The following MARK1 variants were observed in gnomAD, a reference collection of about 807,000 sequenced individuals.
MARK1 encodes the protein serine/threonine-protein kinase MARK1.
A neutral mutation model predicts 96.3 loss-of-function variants in MARK1; 40 were observed. The ratio of observed to expected loss-of-function variants is 0.42; its 90% CI spans 0.32 to 0.54. MARK1 has a LOEUF of 0.54. MARK1 is among the 20% of genes least tolerant of loss of function. MARK1 has a pLI of 0.16. For synonymous variants in MARK1, 317 were observed against 341.2 expected (o/e 0.93, Z 0.78); for missense variants, 719 against 984.6 (o/e 0.73, Z 3.61).
chr1:220,577,506 T>C (rs1398818306), intron 1 of MARK1, among the ~76,000 whole-genome samples: 3 of 152,236 alleles, frequency 2.0e-5, no homozygotes, highest in Admixed American at 6.5e-5. Context: ...AGTTCTCAAA[T>C]GTTGGCATGC....
Position 220,654,693 on chromosome 1 carries a change from A to C in MARK1, c.1988+1341A>C, listed in dbSNP as rs1669073265. On this transcript the variant is annotated intron_variant, in intron 16 of 17. Coordinates refer to ENST00000366917, the MANE Select transcript of MARK1 (RefSeq NM_018650.5). The surrounding 1 kb of genome is among the most constrained non-coding windows in gnomAD (Gnocchi z 4.0). Reference sequence around the variant, plus strand: ...TTCTGCTTTTGGAATTTGTCTATTTAAGGCCATTTCAAAAAGCCAGTACTT... The same window carrying C: ...TTCTGCTTTTGGAATTTGTCTATTTCAGGCCATTTCAAAAAGCCAGTACTT... Among the ~76,000 whole-genome samples, 1 of 152,208 alleles carries C rather than the reference A, an allele frequency of 6.6e-6. No homozygotes were observed. The highest frequency in any genetic ancestry group is 2.4e-5 in the African/African-American group (1 of 41,466).
At chr1:220,576,687 C>T (rs887716698) in intron 1 of MARK1, 2 of 152,102 alleles carry the variant, frequency 1.3e-5, no homozygotes, top group African/African-American at 4.8e-5. Flanking sequence ...AGAAGTCATT[C>T]TATAAGGGTA....
chr1:220,611,605 C>G (rs1321798527), intron 6 of MARK1, among the ~76,000 whole-genome samples: 2 of 152,330 alleles, frequency 1.3e-5, no homozygotes, highest in East Asian at 3.9e-4. Context: ...CCAGGTACCT[C>G]AGTTGGAAAT....
intron 1 of MARK1, among the ~76,000 whole-genome samples, chr1:220,546,015 G>A (rs1225946208): frequency 6.6e-6 from 1 of 152,036 alleles, no homozygotes; most frequent in African/African-American, 2.4e-5. Flanking sequence ...AGCTGATTGA[G>A]TTCTTCACCC....
At chr1:220,536,876 C>T (rs910190769) in intron 1 of MARK1, among the ~76,000 whole-genome samples, 57 of 152,014 alleles carry the variant, frequency 3.7e-4, no homozygotes, top group Non-Finnish European at 8.8e-5. Context: ...CCACTGTGCC[C>T]GGCCCCAGTC....
chr1:220,540,358 G>A (rs180959894), intron 1 of MARK1, among the ~76,000 whole-genome samples: 2 of 152,032 alleles, frequency 1.3e-5, no homozygotes, highest in African/African-American at 2.4e-5. Context: ...TAAATTTTCC[G>A]TTTTTTTTCT....
intron 11 of MARK1, among the ~76,000 whole-genome samples, chr1:220,634,671 T>G: frequency 6.6e-6 from 1 of 152,366 alleles, no homozygotes; most frequent in South Asian, 2.1e-4. Flanking sequence ...GTATTATCTA[T>G]ATATGAATTT....
intron 1 of MARK1, among the ~76,000 whole-genome samples, chr1:220,551,058 C>T (rs1215147584): frequency 1.3e-5 from 2 of 152,138 alleles, no homozygotes; most frequent in African/African-American, 2.4e-5. Context: ...TTAGAACCTG[C>T]GAGGACAAAC....
intron 7 of MARK1, among the ~76,000 whole-genome samples, chr1:220,616,959 G>C (rs187400422): frequency 6.6e-6 from 1 of 152,136 alleles, no homozygotes; most frequent in Non-Finnish European, 1.5e-5. Flanking sequence ...GAGTTTTCCT[G>C]TACATTCCTG....
chr1:220,528,621 G>A lies in MARK1; in HGVS notation c.-202G>A. ...CCGCATACCCCGGCGGCGCCGCCGC[G>A]GGAAGCGGCTCCCCCTCCTCTTCCT... is the stretch of plus-strand genomic sequence containing the variant. On this transcript the variant is annotated 5_prime_UTR_variant, in exon 1 of 18. Transcript: ENST00000366917. 2.0e-6 allele frequency: 1 copy of A among 493,256 alleles called. No homozygotes were observed. Among genetic ancestry groups the A allele is most frequent in the Non-Finnish European group, 3.6e-6 (1 of 280,060 alleles). 30.6% of individuals were successfully genotyped at this position (493,256 alleles called of 1,614,324 possible).
intron 1 of MARK1, among the ~76,000 whole-genome samples, chr1:220,557,317 G>A (rs539066927): frequency 6.6e-6 from 1 of 152,182 alleles, no homozygotes; most frequent in Non-Finnish European, 1.5e-5. Context: ...GCTCACGCCT[G>A]TAATCCTAGC....
At chr1:220,588,488 T>G (rs1227328172) in intron 3 of MARK1, among the ~76,000 whole-genome samples, 1 of 152,214 alleles carries the variant, frequency 6.6e-6, no homozygotes, top group Non-Finnish European at 1.5e-5. Flanking sequence ...ATTTTACTGT[T>G]GTAGTTATAA....
At chr1:220,560,642 G>A (rs1159388938) in intron 1 of MARK1, among the ~76,000 whole-genome samples, 2 of 152,182 alleles carry the variant, frequency 1.3e-5, no homozygotes, top group Non-Finnish European at 2.9e-5. Flanking sequence ...TACAGCATGT[G>A]TATGCTGCAC....
intron 9 of MARK1, chr1:220,627,447 G>A (rs1667412422): frequency 2.1e-6 from 1 of 468,820 alleles, no homozygotes; most frequent in Non-Finnish European, 4.4e-6. Context: ...AGGTTGGCCT[G>A]AGCAGACCTC....
Position 220,630,584 on chromosome 1 carries a change from C to G in MARK1, c.910-451C>G, listed in dbSNP as rs1163429252. Among the ~76,000 whole-genome samples the G allele has an allele frequency of 2.0e-5, 3 of 152,034 alleles. No homozygotes were observed. In the East Asian group the frequency reaches 5.8e-4, roughly 29 times the overall value. Reference sequence around the variant, plus strand: ...GCTATCTTTATTGATAGCTTTACTGCCAACCCTGATTTTCATTCCCCATGA... The same window carrying G: ...GCTATCTTTATTGATAGCTTTACTGGCAACCCTGATTTTCATTCCCCATGA... On this transcript the variant is annotated intron_variant, in intron 9 of 17. Transcript: ENST00000366917.
At chr1:220,635,641 G>C (rs1031423149) in intron 12 of MARK1, 112 bp downstream of exon 12, 1 of 1,259,564 alleles carries the variant, frequency 7.9e-7, no homozygotes, top group Non-Finnish European at 1.1e-6. Context: ...AGTTCTCACA[G>C]ACTTATATTA....
At chr1:220,587,298 T>TCCC (rs1664692971) in intron 3 of MARK1, among the ~76,000 whole-genome samples, 1 of 145,590 alleles carries the variant, frequency 6.9e-6, no homozygotes, top group African/African-American at 2.6e-5. Context: ...CCTTCCTTCC[T>TCCC]TCCTCCCTCC....
At chr1:220,647,121 T>C (rs1226490302) in intron 13 of MARK1, among the ~76,000 whole-genome samples, 4 of 152,166 alleles carry the variant, frequency 2.6e-5, no homozygotes, top group African/African-American at 4.8e-5. Context: ...ACAGACAGTC[T>C]ACAGAATGGA....
Position 220,661,892 on chromosome 1 carries a change from G to A in MARK1, c.2114G>A (p.Ser705Asn). ...SKPRSLRFTW[S>N]MKTTSSMDPN... Reference sequence around the variant, plus strand: ...CCGCGTTCTTTGCGGTTCACATGGAGTATGAAGACCACTAGTTCAATGGAC... The same window carrying A: ...CCGCGTTCTTTGCGGTTCACATGGAATATGAAGACCACTAGTTCAATGGAC... Residue 705 changes from serine (S) to asparagine (N), a missense_variant, in exon 18 of 18, where the codon AGT becomes AAT. Transcript: ENST00000366917. 3.7e-6 allele frequency: 6 copies of A among 1,614,224 alleles called. No individual in the cohort carries two copies. Among genetic ancestry groups the A allele is most frequent in the Non-Finnish European group, 4.2e-6 (5 of 1,180,044 alleles).
Sources: gnomAD v4.1 joint callset for allele counts (sites outside exome capture counted in the v4.1 genomes callset) on GRCh38, gnomAD v4.1.1 for gene constraint, Gnocchi (gnomAD v3.1) non-coding constraint, MANE v1.5 for transcripts, NCBI Gene and HGNC (gene_info 2026-07-23, HGNC 2026-07-21) for gene names.